GRK3: variants seen among roughly 807,000 people sequenced by gnomAD.
GRK3 encodes the protein G protein-coupled receptor kinase 3.
In GRK3, 54 loss-of-function variants were observed where a neutral mutation model predicts 95.7. The ratio of observed to expected loss-of-function variants is 0.56; its 90% CI spans 0.45 to 0.71. The LOEUF (loss-of-function observed/expected upper bound fraction) is 0.71. Among genes scored for constraint, GRK3 ranks in the 30% least tolerant of loss-of-function variants. The probability of loss-of-function intolerance (pLI) is 0.00; values close to 1 mark genes in which losing one functional copy is unlikely to be tolerated. For synonymous variants in GRK3, 281 were observed against 290.8 expected (o/e 0.97, Z 0.34); for missense variants, 649 against 851.2 (o/e 0.76, Z 2.96).
At chr22:25,589,837 T>G (rs1470620078) in intron 1 of GRK3, among the ~76,000 whole-genome samples, 2 of 152,108 alleles carry the variant, frequency 1.3e-5, no homozygotes, top group South Asian at 4.1e-4. Context: ...ACAATCATGG[T>G]GGAAGGTGAA....
chr22:25,707,592 A>G (rs1276164189), intron 15 of GRK3, among the ~76,000 whole-genome samples: 2 of 152,192 alleles, frequency 1.3e-5, no homozygotes, highest in African/African-American at 4.8e-5. Flanking sequence ...CACCTTATGA[A>G]GAGGCCTGGG....
chr22:25,632,585 C>A (rs2084671539), intron 2 of GRK3, among the ~76,000 whole-genome samples: 2 of 152,068 alleles, frequency 1.3e-5, no homozygotes, highest in Non-Finnish European at 2.9e-5. Flanking sequence ...ATCTTGGTGA[C>A]CTTTGCTTTA....
intron 15 of GRK3, among the ~76,000 whole-genome samples, chr22:25,706,369 A>G (rs1253720029): frequency 6.6e-6 from 1 of 152,048 alleles, no homozygotes; most frequent in Admixed American, 6.5e-5. Context: ...AGCCACACAC[A>G]CTGTGGTGAG....
chr22:25,653,941 C>T (rs2084852502), intron 3 of GRK3, among the ~76,000 whole-genome samples: 1 of 152,190 alleles, frequency 6.6e-6, no homozygotes, highest in East Asian at 1.9e-4. Context: ...CCCGCCTCAG[C>T]CTCCCAAAGT....
In GRK3 at chr22:25,637,563, T is replaced by G. The variant is rs545557558; in HGVS notation, c.191-7029T>G. Among the ~76,000 whole-genome samples, 11 of 152,356 alleles carry G rather than the reference T, an allele frequency of 7.2e-5. 1 individual carries two copies. In the South Asian group the frequency reaches 1.7e-3, roughly 23 times the overall value. On this transcript the variant is annotated intron_variant, in intron 2 of 20. Coordinates refer to ENST00000324198, the MANE Select transcript of GRK3 (RefSeq NM_005160.4). ...GCCATGAAGATTCCCTATACAAGTCTTTTTGGAGATATAAGTTTTCATTGG... is the reference window on the plus strand; with the variant it reads ...GCCATGAAGATTCCCTATACAAGTCGTTTTGGAGATATAAGTTTTCATTGG...
At chr22:25,618,460 A>C (rs2084556508) in intron 2 of GRK3, among the ~76,000 whole-genome samples, 1 of 152,172 alleles carries the variant, frequency 6.6e-6, no homozygotes, top group African/African-American at 2.4e-5. Context: ...CTTTGATTTC[A>C]AAGTGTCTCT....
chr22:25,612,848 G>GTCCTTT (rs141448974), intron 2 of GRK3, among the ~76,000 whole-genome samples: 10,034 of 140,630 alleles, frequency 0.071, 403 homozygotes, highest in African/African-American at 0.13. Context: ...ACCTCTAAAA[G>GTCCTTT]TTAAAAAAAA....
chr22:25,713,894 A>C (rs1453402020), intron 17 of GRK3, among the ~76,000 whole-genome samples: 1 of 152,226 alleles, frequency 6.6e-6, no homozygotes, highest in Non-Finnish European at 1.5e-5. Flanking sequence ...TGGAAGGTTC[A>C]TGGAATTAAT....
At chr22:25,595,564 A>T (rs1248153819) in intron 1 of GRK3, among the ~76,000 whole-genome samples, 1 of 152,242 alleles carries the variant, frequency 6.6e-6, no homozygotes, top group East Asian at 1.9e-4. Context: ...TACAAGTAGA[A>T]CATAAGGGAA....
At chr22:25,604,265 G>C (rs1048392607) in intron 1 of GRK3, 112 bp from the exon 2 acceptor site, 2 of 707,550 alleles carry the variant, frequency 2.8e-6, no homozygotes, top group Non-Finnish European at 4.6e-6. Context: ...TGGCAAGAAG[G>C]GTCTCTTGTA....
At chr22:25,623,036 G>A (rs2084598398) in intron 2 of GRK3, among the ~76,000 whole-genome samples, 1 of 152,152 alleles carries the variant, frequency 6.6e-6, no homozygotes, top group East Asian at 1.9e-4. Flanking sequence ...TTGCCTCCCG[G>A]GGTCAAGTGA....
chr22:25,688,024 CAGG>C (rs1387540250), intron 11 of GRK3, among the ~76,000 whole-genome samples: 1 of 152,110 alleles, frequency 6.6e-6, no homozygotes, highest in Admixed American at 6.5e-5. Flanking sequence ...ATCACAAGGT[CAGG>C]AGATCAAGGC....
At chr22:25,601,799 T>G (rs928217503) in intron 1 of GRK3, among the ~76,000 whole-genome samples, 5 of 152,218 alleles carry the variant, frequency 3.3e-5, no homozygotes, top group African/African-American at 4.8e-5. Flanking sequence ...AGAACTTTGA[T>G]TTCTACCTTG....
At position 25,695,249 on chromosome 22, in the gene GRK3, A is replaced by G. The variant is rs554789605; in HGVS notation, c.1160+35A>G. On this transcript the variant is annotated intron_variant, in intron 13 of 20. Coordinates refer to ENST00000324198, the MANE Select transcript of GRK3 (RefSeq NM_005160.4). The stretch of plus-strand genomic sequence containing the variant: ...AATGCATCCTTCTAGTGCTGTCCTC[A>G]TGGCAGCAGGAGCTTGGATGAAAAC... 1.2e-5 allele frequency: 18 copies of G among 1,470,438 alleles called. No individual in the cohort carries two copies. In the East Asian group the frequency reaches 3.6e-4, roughly 30 times the overall value. The allele number at this position is 1,470,438 out of a possible 1,614,324, so 91.1% of individuals were successfully genotyped here. A position where few individuals can be genotyped will look rare whatever the true frequency, so the allele number is the denominator to read the frequency against.
intron 2 of GRK3, among the ~76,000 whole-genome samples, chr22:25,619,885 C>T (rs1018492615): frequency 6.6e-6 from 1 of 151,920 alleles, no homozygotes; most frequent in African/African-American, 2.4e-5. Flanking sequence ...CTACTTGTTG[C>T]CAGGAGAAAG....
In GRK3 at chr22:25,573,542, A is replaced by C. The variant is rs558099677; in HGVS notation, c.113+8389A>C. 2.0e-5 allele frequency among the ~76,000 whole-genome samples: 3 copies of C among 152,322 alleles called. No individual in the cohort carries two copies. In the South Asian group the frequency reaches 6.2e-4, roughly 32 times the overall value. ...CTGTATAATTCTTAGACAATTATGG[A>C]CTAAAATATTTCAGGAAGAAAGTGA... is the stretch of plus-strand genomic sequence containing the variant. On this transcript the variant is annotated intron_variant, in intron 1 of 20. Coordinates refer to ENST00000324198, the MANE Select transcript of GRK3 (RefSeq NM_005160.4).
At chr22:25,575,244 T>G (rs992734901) in intron 1 of GRK3, among the ~76,000 whole-genome samples, 1 of 152,202 alleles carries the variant, frequency 6.6e-6, no homozygotes, top group African/African-American at 2.4e-5. Flanking sequence ...AAGAAAAGCT[T>G]ATTTGGAAAC....
In GRK3 at chr22:25,725,922, C is replaced by G. The variant is rs1293598754; in HGVS notation, c.*3472C>G. On this transcript the variant is annotated 3_prime_UTR_variant, in exon 21 of 21. Coordinates refer to ENST00000324198, the MANE Select transcript of GRK3 (RefSeq NM_005160.4). ...CGAGATTGCGCCACTGCACTCCAGC[C>G]TGGGCGACAGAGCGAGACTCTGTCT... 3 of 238,278 alleles carry G rather than the reference C, an allele frequency of 1.3e-5. No individual in the cohort carries two copies. The highest frequency in any genetic ancestry group is 7.6e-5 in the East Asian group (1 of 13,108). The allele number at this position is 238,278 out of a possible 1,614,324, so 14.8% of individuals were successfully genotyped here.
intron 2 of GRK3, among the ~76,000 whole-genome samples, chr22:25,606,185 A>G (rs2084445127): frequency 6.6e-6 from 1 of 152,238 alleles, no homozygotes; most frequent in Non-Finnish European, 1.5e-5. Flanking sequence ...CTGGGCGCTG[A>G]TGGGCTGTGC....
Sources: allele counts gnomAD v4.1 joint callset (sites outside exome capture counted in the v4.1 genomes callset), GRCh38; gene constraint gnomAD v4.1.1; transcripts MANE v1.5; gene names NCBI Gene and HGNC (gene_info 2026-07-23, HGNC 2026-07-21).